Variants in CCDC122 observed in about 807,000 individuals in gnomAD.
CCDC122 encodes the protein coiled-coil domain-containing protein 122.
In CCDC122, 38 loss-of-function variants were observed where a neutral mutation model predicts 37.0. That is an observed-to-expected ratio of 1.03 (90% CI 0.79 to 1.35). The LOEUF (loss-of-function observed/expected upper bound fraction) is 1.35, where lower values mean the gene tolerates loss of function less well. Among genes scored for constraint, CCDC122 ranks in the 40% most tolerant of loss-of-function variants. CCDC122 has a pLI of 0.00. For missense variants in CCDC122, 305 were observed against 310.0 expected, an observed-to-expected ratio of 0.98 and a Z score of 0.12; for synonymous variants, 83 against 95.6, an observed-to-expected ratio of 0.87 and a Z score of 0.77.
chr13:43,846,035 T>TA (rs1279081852), intron 6 of CCDC122, among the ~76,000 whole-genome samples: 1 of 152,184 alleles, frequency 6.6e-6, no homozygotes, highest in Non-Finnish European at 1.5e-5. Context: ...TTGCTATTTT[T>TA]ATTGGTTGAT....
At chr13:43,844,028 G>C (rs1822969) in intron 6 of CCDC122, among the ~76,000 whole-genome samples, 1 of 151,132 alleles carries the variant, frequency 6.6e-6, no homozygotes, top group Non-Finnish European at 1.5e-5. Flanking sequence ...TCGTTTTTCT[G>C]TTTTCTATTT....
chr13:43,846,031 T>C (rs1047508022), intron 6 of CCDC122, among the ~76,000 whole-genome samples: 1 of 152,182 alleles, frequency 6.6e-6, no homozygotes, highest in African/African-American at 2.4e-5. Flanking sequence ...ACTGTTGCTA[T>C]TTTTATTGGT....
At chr13:43,838,830 T>C (rs1489027217) in intron 6 of CCDC122, among the ~76,000 whole-genome samples, 1 of 152,168 alleles carries the variant, frequency 6.6e-6, no homozygotes, top group Non-Finnish European at 1.5e-5. Flanking sequence ...GAGCACAGGG[T>C]GTGCAGGCAC....
intron 3 of CCDC122, among the ~76,000 whole-genome samples, chr13:43,830,922 CAT>C (rs1953083311): frequency 1.3e-5 from 2 of 151,980 alleles, no homozygotes; most frequent in Admixed American, 1.3e-4. Context: ...ATGAAAGAAA[CAT>C]GAGAGAATTA....
intron 6 of CCDC122, among the ~76,000 whole-genome samples, chr13:43,852,438 A>G (rs369890202): frequency 6.6e-6 from 1 of 152,162 alleles, no homozygotes; most frequent in African/African-American, 2.4e-5. Context: ...AATAAAGAAA[A>G]AAAGAATGAA....
intron 6 of CCDC122, among the ~76,000 whole-genome samples, chr13:43,850,156 T>G (rs183488369): frequency 6.6e-6 from 1 of 152,180 alleles, no homozygotes. Context: ...CTTTCCCCCT[T>G]CCATGGGAAA....
chr13:43,838,821 A>C (rs1953251890), intron 6 of CCDC122, among the ~76,000 whole-genome samples: 2 of 152,208 alleles, frequency 1.3e-5, no homozygotes, highest in South Asian at 4.1e-4. Context: ...TGCCGGGTGG[A>C]GCACAGGGTG....
intron 6 of CCDC122, chr13:43,858,558 G>T: frequency 4.2e-6 from 1 of 237,174 alleles, no homozygotes; most frequent in Non-Finnish European, 7.8e-6. Flanking sequence ...TTAAATAGGA[G>T]TGAATGCTTG....
chr13:43,835,178 G>A (rs2153868803), downstream of CCDC122, among the ~76,000 whole-genome samples: 2 of 152,294 alleles, frequency 1.3e-5, no homozygotes, highest in South Asian at 4.1e-4. Context: ...GATGAAGCTG[G>A]AAGCCATCAT....
At chr13:43,832,758 C>G (rs1953102069), downstream of CCDC122, among the ~76,000 whole-genome samples, 1 of 152,132 alleles carries the variant, frequency 6.6e-6, no homozygotes, top group Non-Finnish European at 1.5e-5. Context: ...TAAAATGGGG[C>G]TTTGATTTCA....
intron 4 of CCDC122, among the ~76,000 whole-genome samples, chr13:43,864,541 G>C (rs900750652): frequency 6.6e-6 from 1 of 152,068 alleles, no homozygotes; most frequent in African/African-American, 2.4e-5. Context: ...GCAAGAGAGG[G>C]AGCCGGGAGG....
intron 6 of CCDC122, among the ~76,000 whole-genome samples, chr13:43,857,734 C>A (rs1256674707): frequency 6.6e-6 from 1 of 151,980 alleles, no homozygotes; most frequent in Non-Finnish European, 1.5e-5. Context: ...GAAACCCCAT[C>A]TCTACTAAAA....
At chr13:43,864,364 T>C (rs1315691155) in intron 4 of CCDC122, among the ~76,000 whole-genome samples, 1 of 152,180 alleles carries the variant, frequency 6.6e-6, no homozygotes, top group African/African-American at 2.4e-5. Flanking sequence ...AATAAATTCC[T>C]GAGTCTGGGT....
chr13:43,825,426 G>A (rs1953030216), intron 3 of CCDC122, among the ~76,000 whole-genome samples: 2 of 152,036 alleles, frequency 1.3e-5, no homozygotes, highest in Admixed American at 1.3e-4. Context: ...AAAATGGGGA[G>A]CTAAATGCTG....
At chr13:43,863,340 A>C (rs911973944) in intron 4 of CCDC122, among the ~76,000 whole-genome samples, 3 of 152,298 alleles carry the variant, frequency 2.0e-5, no homozygotes, top group African/African-American at 7.2e-5. Flanking sequence ...ATGTTGTTGT[A>C]TATATCAATA....
intron 4 of CCDC122, among the ~76,000 whole-genome samples, chr13:43,865,699 A>G (rs1954254177): frequency 6.6e-6 from 1 of 152,054 alleles, no homozygotes. Context: ...TCCCGACCTC[A>G]AGTTATCCAT....
downstream of CCDC122, among the ~76,000 whole-genome samples, chr13:43,833,082 A>C (rs1388308398): frequency 1.3e-5 from 2 of 152,204 alleles, no homozygotes; most frequent in Non-Finnish European, 2.9e-5. Flanking sequence ...ATAATGGCTG[A>C]CTTAACTGGC....
At chr13:43,841,552 T>A (rs896169276) in intron 6 of CCDC122, among the ~76,000 whole-genome samples, 2 of 152,242 alleles carry the variant, frequency 1.3e-5, no homozygotes, top group African/African-American at 4.8e-5. Flanking sequence ...TTTTGTTAAG[T>A]TCTGTTCAAA....
intron 4 of CCDC122, among the ~76,000 whole-genome samples, chr13:43,864,239 A>G (rs1218425564): frequency 6.6e-6 from 1 of 152,216 alleles, no homozygotes; most frequent in Non-Finnish European, 1.5e-5. Context: ...TATGCCCTAT[A>G]ATAAATATTA....
Sources: gnomAD v4.1 joint callset for allele counts (sites outside exome capture counted in the v4.1 genomes callset) on GRCh38, gnomAD v4.1.1 for gene constraint, MANE v1.5 for transcripts, NCBI Gene and HGNC (gene_info 2026-07-23, HGNC 2026-07-21) for gene names.